The following CLEC16A variants were observed in gnomAD, a reference collection of about 807,000 sequenced individuals.
CLEC16A encodes protein CLEC16A.
Under a neutral mutation model 109.5 loss-of-function variants are expected in CLEC16A, and 51 were observed. The ratio of observed to expected loss-of-function variants is 0.47; its 90% CI spans 0.37 to 0.59. CLEC16A has a LOEUF of 0.59. CLEC16A is among the 20% of genes least tolerant of loss of function. The probability of loss-of-function intolerance (pLI) is 0.00; values close to 1 mark genes in which losing one functional copy is unlikely to be tolerated. For missense variants in CLEC16A, 1,339 were observed against 1,394.0 expected, an observed-to-expected ratio of 0.96 and a Z score of 0.63; for synonymous variants, 673 against 564.2, an observed-to-expected ratio of 1.19 and a Z score of -2.73.
chr16:11,071,298 G>A (rs1011272258), intron 19 of CLEC16A, among the ~76,000 whole-genome samples: 2 of 152,120 alleles, frequency 1.3e-5, no homozygotes, highest in Non-Finnish European at 2.9e-5. Flanking sequence ...TCATCCTAGT[G>A]AAAATGAGTG....
At chr16:11,060,140 A>T (rs2152902498) in intron 18 of CLEC16A, among the ~76,000 whole-genome samples, 1 of 152,276 alleles carries the variant, frequency 6.6e-6, no homozygotes, top group South Asian at 2.1e-4. Flanking sequence ...TTCTGACCAG[A>T]CACCACTTCT....
At chr16:11,042,456 C>A in intron 15 of CLEC16A, 93 bp downstream of exon 15, 1 of 961,750 alleles carries the variant, frequency 1.0e-6, no homozygotes, top group Non-Finnish European at 1.6e-6. Context: ...GGAGCCCTGG[C>A]CCGTGGTGTC....
rs1305894917 is a variant in CLEC16A, at chr16:10,954,947, G to A, written c.81-2835G>A. ...TCTAATCACCATGGCAGCCAAGCCT[G>A]CTTCTGTTGAGCCCTTGCTCTGTGC... On this transcript the variant is annotated intron_variant, in intron 1 of 23. Coordinates refer to ENST00000409790, the MANE Select transcript of CLEC16A (RefSeq NM_015226.3). The surrounding 1 kb of genome is among the most constrained non-coding windows in gnomAD (Gnocchi z 4.2). 6.6e-6 allele frequency among the ~76,000 whole-genome samples: 1 copy of A among 152,256 alleles called. No homozygotes were observed. Among genetic ancestry groups the A allele is most frequent in the African/African-American group, 2.4e-5 (1 of 41,464 alleles).
chr16:11,065,945 G>A (rs549290451), intron 19 of CLEC16A, among the ~76,000 whole-genome samples: 110 of 152,320 alleles, frequency 7.2e-4, no homozygotes, highest in African/African-American at 2.5e-3. Flanking sequence ...TGTCCCAAAC[G>A]GACACTTCTA....
At chr16:11,008,192 C>A (rs936184944) in intron 11 of CLEC16A, among the ~76,000 whole-genome samples, 1 of 152,132 alleles carries the variant, frequency 6.6e-6, no homozygotes, top group Non-Finnish European at 1.5e-5. Flanking sequence ...TTCCCCTTAG[C>A]CTTCCTTTGA....
Position 11,069,014 on chromosome 16 carries a change from G to C in CLEC16A, c.2116+7992G>C, listed in dbSNP as rs555134018. On this transcript the variant is annotated intron_variant, in intron 19 of 23. Coordinates refer to ENST00000409790, the MANE Select transcript of CLEC16A (RefSeq NM_015226.3). ...TTTTTTTTTTTTTTTTGTATTTTTA[G>C]TAGACATGGGGTTACACCATGTTGG... Among the ~76,000 whole-genome samples the C allele has an allele frequency of 3.2e-4, 45 of 138,756 alleles. 1 individual carries two copies. In the East Asian group the frequency reaches 6.3e-3, roughly 19 times the overall value. 91.0% of individuals were successfully genotyped at this position (138,756 alleles called of 152,430 possible).
At chr16:11,129,460 A>G (rs906299748) in intron 22 of CLEC16A, among the ~76,000 whole-genome samples, 1 of 152,214 alleles carries the variant, frequency 6.6e-6, no homozygotes, top group African/African-American at 2.4e-5. Flanking sequence ...TTGTGATAGC[A>G]TGCATTCTGT....
chr16:11,025,456 G>C (rs760569329), intron 13 of CLEC16A, among the ~76,000 whole-genome samples: 2 of 152,148 alleles, frequency 1.3e-5, no homozygotes, highest in Non-Finnish European at 1.5e-5. Flanking sequence ...GGGTTGACAG[G>C]TTTTGTTGGG....
chr16:10,998,946 A>G (rs1013231403), intron 10 of CLEC16A, among the ~76,000 whole-genome samples: 1 of 152,232 alleles, frequency 6.6e-6, no homozygotes, highest in South Asian at 2.1e-4. Flanking sequence ...GCCAAATTCT[A>G]CCAGCCTCTG....
At chr16:11,093,521 G>A (rs1216273782) in intron 19 of CLEC16A, among the ~76,000 whole-genome samples, 2 of 152,190 alleles carry the variant, frequency 1.3e-5, no homozygotes, top group African/African-American at 4.8e-5. Context: ...GTTGGAAGGT[G>A]GGCAGTGACT....
At position 11,018,346 on chromosome 16, in the gene CLEC16A, G is replaced by A. The variant is rs141375207; in HGVS notation, c.1304-1847G>A. Among the ~76,000 whole-genome samples, 427 of 151,622 alleles carry A rather than the reference G, an allele frequency of 2.8e-3. 1 individual carries two copies. The highest frequency in any genetic ancestry group is 9.4e-3 in the African/African-American group (390 of 41,274). On this transcript the variant is annotated intron_variant, in intron 11 of 23. Coordinates refer to ENST00000409790, the MANE Select transcript of CLEC16A (RefSeq NM_015226.3). Reference sequence around the variant, plus strand: ...TCCAGGAAGATGTCTCCGTGGAGGCGACATGTGAACTGAGCCTTGAATGAT... The same window carrying A: ...TCCAGGAAGATGTCTCCGTGGAGGCAACATGTGAACTGAGCCTTGAATGAT...
chr16:11,143,642 G>A (rs1465001545), intron 22 of CLEC16A, among the ~76,000 whole-genome samples: 2 of 152,328 alleles, frequency 1.3e-5, no homozygotes, highest in Non-Finnish European at 2.9e-5. Context: ...GACAGGATAG[G>A]GAATAGCATG....
chr16:11,026,512 T>A (rs2046409928), intron 13 of CLEC16A, among the ~76,000 whole-genome samples: 1 of 152,164 alleles, frequency 6.6e-6, no homozygotes, highest in African/African-American at 2.4e-5. Context: ...CCTCTCTGAT[T>A]GATGGTATTG....
At chr16:11,111,616 G>A (rs986638947) in intron 19 of CLEC16A, among the ~76,000 whole-genome samples, 7 of 152,178 alleles carry the variant, frequency 4.6e-5, no homozygotes, top group South Asian at 2.1e-4. Context: ...AGTATAGTCC[G>A]TAAGAAAATC....
At chr16:11,039,411 A>AG (rs1164799082) in intron 13 of CLEC16A, among the ~76,000 whole-genome samples, 1 of 152,164 alleles carries the variant, frequency 6.6e-6, no homozygotes, top group African/African-American at 2.4e-5. Flanking sequence ...CATTTATGTA[A>AG]GTTCAGTTTA....
chr16:10,969,846 C>A (rs2042697110), intron 4 of CLEC16A, among the ~76,000 whole-genome samples: 1 of 152,158 alleles, frequency 6.6e-6, no homozygotes, highest in Non-Finnish European at 1.5e-5. Context: ...TCAGTTTCCT[C>A]ATCTGAGAAA....
chr16:11,118,579 C>G (rs1474459193), intron 19 of CLEC16A, among the ~76,000 whole-genome samples: 1 of 152,192 alleles, frequency 6.6e-6, no homozygotes, highest in African/African-American at 2.4e-5. Context: ...TTAACCATCA[C>G]AACTGTAAAC....
chr16:11,022,716 G>A (rs920356561), intron 12 of CLEC16A, among the ~76,000 whole-genome samples: 2 of 151,752 alleles, frequency 1.3e-5, no homozygotes, highest in Non-Finnish European at 2.9e-5. Context: ...TGGCTAACAC[G>A]GTGAAACCCC....
At chr16:11,107,358 T>C (rs2051286662) in intron 19 of CLEC16A, among the ~76,000 whole-genome samples, 1 of 152,148 alleles carries the variant, frequency 6.6e-6, no homozygotes. Context: ...CTGCCCCCTT[T>C]TCATGCTGGG....
Sources: gnomAD v4.1 joint callset for allele counts (sites outside exome capture counted in the v4.1 genomes callset) on GRCh38, gnomAD v4.1.1 for gene constraint, Gnocchi (gnomAD v3.1) non-coding constraint, MANE v1.5 for transcripts, NCBI Gene and HGNC (gene_info 2026-07-23, HGNC 2026-07-21) for gene names.